Variants in MEF2C observed in about 807,000 individuals in gnomAD.
MEF2C encodes the protein myocyte enhancer factor 2C, also known as myocyte-specific enhancer factor 2C.
A neutral mutation model predicts 50.5 loss-of-function variants in MEF2C; 6 were observed. That is an observed-to-expected ratio of 0.12 (90% CI 0.07 to 0.23). The LOEUF (loss-of-function observed/expected upper bound fraction) is 0.23, where lower values mean the gene tolerates loss of function less well. Among genes scored for constraint, MEF2C ranks in the 10% least tolerant of loss-of-function variants. The pLI is 1.00. For missense variants in MEF2C, 276 were observed against 605.0 expected (o/e 0.46, Z 5.70); for synonymous variants, 183 against 228.0 (o/e 0.80, Z 1.78).
chr5:88,873,147 A>G (rs533235236), intron 1 of MEF2C, among the ~76,000 whole-genome samples: 3 of 152,022 alleles, frequency 2.0e-5, no homozygotes, highest in Non-Finnish European at 4.4e-5. Flanking sequence ...ACCTTGTCCA[A>G]TAACTGTACC....
At chr5:88,880,587 A>G (rs1267784410) in intron 1 of MEF2C, among the ~76,000 whole-genome samples, 2 of 152,184 alleles carry the variant, frequency 1.3e-5, no homozygotes, top group Non-Finnish European at 2.9e-5. Context: ...TTATAAAAGA[A>G]GTTTAAATAA....
chr5:88,817,115 T>C (rs1805819394), intron 2 of MEF2C, among the ~76,000 whole-genome samples: 1 of 152,026 alleles, frequency 6.6e-6, no homozygotes, highest in Non-Finnish European at 1.5e-5. Context: ...GAAAAATTAT[T>C]TTTTTGAAGC....
chr5:88,896,520 A>G (rs775563429), intron 1 of MEF2C, among the ~76,000 whole-genome samples: 2 of 152,332 alleles, frequency 1.3e-5, no homozygotes, highest in Non-Finnish European at 2.9e-5. Flanking sequence ...TCTGCCTTCT[A>G]TCTCCTCTAT....
upstream of MEF2C, among the ~76,000 whole-genome samples, chr5:88,884,838 G>A (rs1055653129): frequency 6.1e-5 from 9 of 147,626 alleles, no homozygotes; most frequent in South Asian, 1.9e-3. Flanking sequence ...TAGGCTACTA[G>A]AGATTGGGCA....
intron 1 of MEF2C, among the ~76,000 whole-genome samples, chr5:88,827,544 C>T (rs948793396): frequency 6.6e-6 from 1 of 151,946 alleles, no homozygotes; most frequent in Non-Finnish European, 1.5e-5. Context: ...ACAATGAGGA[C>T]AATTCAGACC....
chr5:88,773,801 T>C (rs16903347), intron 3 of MEF2C, among the ~76,000 whole-genome samples: 2,864 of 152,352 alleles, frequency 0.019, 93 homozygotes, highest in African/African-American at 0.065. Flanking sequence ...GCCAGGTCTG[T>C]AAAAGGTGAG....
chr5:88,741,622 A>G (rs962763010), intron 6 of MEF2C: 1 of 980,974 alleles, frequency 1.0e-6, no homozygotes, highest in African/African-American at 1.8e-5. Flanking sequence ...GAATATGTAA[A>G]CTGGCCATAG....
At chr5:88,735,505 C>T in intron 6 of MEF2C, 2 of 983,912 alleles carry the variant, frequency 2.0e-6, no homozygotes, top group Non-Finnish European at 2.4e-6. Flanking sequence ...AAATGAAGTA[C>T]AGACCAACTT....
At chr5:88,818,032 C>T (rs992586056) in intron 2 of MEF2C, among the ~76,000 whole-genome samples, 1 of 151,842 alleles carries the variant, frequency 6.6e-6, no homozygotes, top group African/African-American at 2.4e-5. Context: ...AGTGTTCTAT[C>T]CCACCAAAGG....
chr5:88,855,915 A>C (rs1045905393), intron 1 of MEF2C, among the ~76,000 whole-genome samples: 3 of 152,214 alleles, frequency 2.0e-5, no homozygotes, highest in Non-Finnish European at 4.4e-5. Flanking sequence ...ACTGCTGTAA[A>C]GATGCCTGAA....
At chr5:88,879,577 C>T (rs1369813433) in intron 1 of MEF2C, among the ~76,000 whole-genome samples, 2 of 151,928 alleles carry the variant, frequency 1.3e-5, no homozygotes, top group Admixed American at 6.6e-5. Context: ...CTGGCAAATT[C>T]TGTTTTGTGC....
chr5:88,873,755 GA>G (rs1347783589), intron 1 of MEF2C, among the ~76,000 whole-genome samples: 2 of 132,324 alleles, frequency 1.5e-5, no homozygotes, highest in Non-Finnish European at 3.1e-5. Context: ...TGTAAAGGGG[GA>G]AATATTCAAA....
chr5:88,795,466 C>G (rs2152996989), intron 3 of MEF2C, among the ~76,000 whole-genome samples: 1 of 152,224 alleles, frequency 6.6e-6, no homozygotes, highest in African/African-American at 2.4e-5. Flanking sequence ...TATAGGAATG[C>G]TTGTGATTTT....
At chr5:88,843,020 G>C (rs1817929890) in intron 1 of MEF2C, among the ~76,000 whole-genome samples, 1 of 152,040 alleles carries the variant, frequency 6.6e-6, no homozygotes, top group Non-Finnish European at 1.5e-5. Context: ...TCTAGAAGGA[G>C]AAGGAGGGTA....
chr5:88,753,147 T>C (rs529697659), intron 4 of MEF2C, among the ~76,000 whole-genome samples: 1 of 152,350 alleles, frequency 6.6e-6, no homozygotes, highest in East Asian at 1.9e-4. Context: ...ATCCACTTTC[T>C]GTTACTGTTT....
chr5:88,876,899 C>G (rs1004918702), intron 1 of MEF2C, among the ~76,000 whole-genome samples: 1 of 151,852 alleles, frequency 6.6e-6, no homozygotes, highest in Non-Finnish European at 1.5e-5. Context: ...AAGAGGAAAA[C>G]CAGACCACCA....
chr5:88,824,390 C>T, intron 1 of MEF2C: 3 of 976,814 alleles, frequency 3.1e-6, no homozygotes, highest in Non-Finnish European at 3.6e-6. Flanking sequence ...TGATAACGTC[C>T]CTCGTTATGC....
At chr5:88,754,830 A>AT (rs1774533370) in intron 4 of MEF2C, among the ~76,000 whole-genome samples, 1 of 152,120 alleles carries the variant, frequency 6.6e-6, no homozygotes, top group African/African-American at 2.4e-5. Context: ...CAAGATGAGA[A>AT]TTTTTTTCTT....
At chr5:88,808,395 T>C (rs2153099235) in intron 2 of MEF2C, among the ~76,000 whole-genome samples, 1 of 152,282 alleles carries the variant, frequency 6.6e-6, no homozygotes, top group East Asian at 1.9e-4. Context: ...TTTTGCACGT[T>C]ACAACACTCA....
Sources: allele counts gnomAD v4.1 joint callset (sites outside exome capture counted in the v4.1 genomes callset), GRCh38; gene constraint gnomAD v4.1.1; transcripts MANE v1.5; gene names NCBI Gene and HGNC (gene_info 2026-07-23, HGNC 2026-07-21).